The following ESR1 variants were observed in gnomAD, a reference collection of about 807,000 sequenced individuals.
ESR1 encodes estrogen receptor 1.
A neutral mutation model predicts 52.7 loss-of-function variants in ESR1; 12 were observed. That is an observed-to-expected ratio of 0.23 (90% CI 0.15 to 0.37). The LOEUF (loss-of-function observed/expected upper bound fraction) is 0.37. Among genes scored for constraint, ESR1 ranks in the 10% least tolerant of loss-of-function variants. The pLI is 1.00. For missense variants in ESR1, 584 were observed against 779.7 expected (o/e 0.75, Z 2.99); for synonymous variants, 305 against 316.8 (o/e 0.96, Z 0.39).
chr6:152,000,943 A>G (rs1007225311), intron 4 of ESR1, among the ~76,000 whole-genome samples: 1 of 152,042 alleles, frequency 6.6e-6, no homozygotes. Context: ...TGATTATGGC[A>G]ACCCGAGGAA....
chr6:151,943,648 C>T (rs1056444358), intron 3 of ESR1, among the ~76,000 whole-genome samples: 5 of 152,152 alleles, frequency 3.3e-5, no homozygotes, highest in Non-Finnish European at 7.4e-5. Flanking sequence ...CTTATTTAGT[C>T]TTGCCCATTA....
chr6:151,850,414 GGAGA>G, intron 2 of ESR1, among the ~76,000 whole-genome samples: 1 of 147,490 alleles, frequency 6.8e-6, no homozygotes, highest in East Asian at 2.0e-4. Context: ...GAGAGAGGGA[GGAGA>G]GAGAGGGAGG....
At chr6:151,699,106 T>A (rs536563698) in intron 1 of ESR1, among the ~76,000 whole-genome samples, 161 of 152,346 alleles carry the variant, frequency 1.1e-3, no homozygotes, top group Non-Finnish European at 1.7e-3. Flanking sequence ...TATTCCTATC[T>A]GGGCTCTGCA....
intron 1 of ESR1, among the ~76,000 whole-genome samples, chr6:151,812,216 A>G (rs3778610): frequency 0.18 from 27,584 of 152,176 alleles, 5,545 homozygotes; most frequent in African/African-American, 0.48. Flanking sequence ...GTGAGATTGT[A>G]TATGTGAAAG....
chr6:152,049,461 A>G (rs770376187), intron 5 of ESR1, among the ~76,000 whole-genome samples: 2 of 152,212 alleles, frequency 1.3e-5, no homozygotes, highest in Admixed American at 6.5e-5. Context: ...AGACAATTGG[A>G]CATCATGTGA....
chr6:151,955,732 CTTTTA>C (rs1172955882), intron 4 of ESR1, among the ~76,000 whole-genome samples: 4 of 152,142 alleles, frequency 2.6e-5, no homozygotes, highest in Non-Finnish European at 5.9e-5. Flanking sequence ...AAAAAAGTAA[CTTTTA>C]TTTTAGGTTC....
intron 2 of ESR1, among the ~76,000 whole-genome samples, chr6:151,783,323 T>C (rs188307612): frequency 7.2e-4 from 109 of 152,348 alleles, no homozygotes; most frequent in Non-Finnish European, 1.3e-3. Context: ...GCTATTTTGC[T>C]AGCTGGAGAA....
downstream of ESR1, among the ~76,000 whole-genome samples, chr6:152,104,486 A>G (rs945408935): frequency 6.6e-6 from 1 of 152,176 alleles, no homozygotes; most frequent in Non-Finnish European, 1.5e-5. Context: ...TCTACATTTA[A>G]TAGAATGATG....
At chr6:151,784,274 A>G (rs2128125000) in intron 2 of ESR1, among the ~76,000 whole-genome samples, 1 of 152,168 alleles carries the variant, frequency 6.6e-6, no homozygotes, top group East Asian at 1.9e-4. Context: ...ATTCTCCCCT[A>G]TTTATTTATT....
chr6:151,984,587 A>C (rs2040282780), intron 4 of ESR1, among the ~76,000 whole-genome samples: 1 of 152,172 alleles, frequency 6.6e-6, no homozygotes, highest in South Asian at 2.1e-4. Flanking sequence ...CACTACCTGC[A>C]GTCCACCCTG....
At position 151,958,996 on chromosome 6, in the gene ESR1, G is replaced by A. The variant is rs144905830; in HGVS notation, c.1096+14488G>A. Among the ~76,000 whole-genome samples the A allele has an allele frequency of 2.6e-3, 401 of 152,176 alleles. 1 individual carries two copies. The highest frequency in any genetic ancestry group is 3.8e-3 in the Admixed American group (58 of 15,282). ...TCCGTGTGTGTGTGTGTGTGTGTGC[G>A]TGTGTGTGTTTACGGAGAGGAGTTC... On this transcript the variant is annotated intron_variant, in intron 4 of 7. Coordinates refer to ENST00000206249, the MANE Select transcript of ESR1 (RefSeq NM_000125.4).
rs185175906 is a variant in ESR1, at chr6:152,114,630, G to A, written c.851-10636G>A. Among the ~76,000 whole-genome samples the A allele has an allele frequency of 4.6e-5, 7 of 152,098 alleles. No individual in the cohort carries two copies. The East Asian group carries it at 1.2e-3, about 25-fold the overall frequency. ...GTCAAGGCCGGGCGCGGTGGCTCACGCCTGTAATCCCAGCACTTTGGGAGG... is the reference window on the plus strand; with the variant it reads ...GTCAAGGCCGGGCGCGGTGGCTCACACCTGTAATCCCAGCACTTTGGGAGG... On this transcript the variant is annotated intron_variant, in intron 6 of 6. Coordinates refer to the ESR1 transcript ENST00000427531.
intron 3 of ESR1, among the ~76,000 whole-genome samples, chr6:151,905,869 C>G (rs1175978612): frequency 2.6e-5 from 4 of 152,128 alleles, no homozygotes; most frequent in Non-Finnish European, 5.9e-5. Context: ...CACAATCATG[C>G]CTGAAATAAT....
At position 152,038,881 on chromosome 6, in the gene ESR1, G is replaced by A. The variant is rs370018543; in HGVS notation, c.1236-22110G>A. Among the ~76,000 whole-genome samples, 55 of 152,112 alleles carry A rather than the reference G, an allele frequency of 3.6e-4. 1 individual carries two copies. Among genetic ancestry groups the A allele is most frequent in the African/African-American group, 9.6e-4 (40 of 41,506 alleles). ...CCTGACCTCGTGATCCACCCACCTC[G>A]GCCTCCCAAAGTGGTGGATCCCAAA... On this transcript the variant is annotated intron_variant, in intron 5 of 7. Coordinates refer to ENST00000206249, the MANE Select transcript of ESR1 (RefSeq NM_000125.4).
intron 2 of ESR1, among the ~76,000 whole-genome samples, chr6:151,857,599 C>T (rs1001131029): frequency 6.6e-6 from 1 of 151,912 alleles, no homozygotes; most frequent in African/African-American, 2.4e-5. Flanking sequence ...CGCAAACTTG[C>T]CTCATTGCAA....
chr6:151,858,903 A>G (rs889970684), intron 2 of ESR1, among the ~76,000 whole-genome samples: 1 of 152,234 alleles, frequency 6.6e-6, no homozygotes, highest in African/African-American at 2.4e-5. Flanking sequence ...AAGATTTAGT[A>G]GAGGCTGTTC....
chr6:152,081,020 A>G (rs1383238923), intron 6 of ESR1, among the ~76,000 whole-genome samples: 2 of 152,184 alleles, frequency 1.3e-5, no homozygotes, highest in Non-Finnish European at 2.9e-5. Flanking sequence ...ACACAATAAT[A>G]ATGGGAGACT....
intron 6 of ESR1, among the ~76,000 whole-genome samples, chr6:152,063,658 G>T (rs1350775042): frequency 2.0e-5 from 3 of 152,170 alleles, no homozygotes; most frequent in Non-Finnish European, 4.4e-5. Flanking sequence ...TTTTCTAAAA[G>T]TCCAACTGAT....
chr6:151,909,886 G>A (rs1286557623), intron 3 of ESR1, among the ~76,000 whole-genome samples: 3 of 152,092 alleles, frequency 2.0e-5, no homozygotes, highest in Non-Finnish European at 2.9e-5. Flanking sequence ...TAGGAATGTT[G>A]ACATACCTGG....
Sources: gnomAD v4.1 joint callset for allele counts (sites outside exome capture counted in the v4.1 genomes callset) on GRCh38, gnomAD v4.1.1 for gene constraint, MANE v1.5 for transcripts, NCBI Gene and HGNC (gene_info 2026-07-23, HGNC 2026-07-21) for gene names.